Variants in TAFA2 observed in about 807,000 individuals in gnomAD.
The protein encoded by TAFA2 is TAFA chemokine like family member 2.
Under a neutral mutation model 18.8 loss-of-function variants are expected in TAFA2, and 7 were observed. That is an observed-to-expected ratio of 0.37 (90% CI 0.21 to 0.70). The LOEUF is 0.70. Ranked by LOEUF, TAFA2 falls within the 30% of genes least tolerant of loss-of-function variation. The probability of loss-of-function intolerance (pLI) is 0.53; values close to 1 mark genes in which losing one functional copy is unlikely to be tolerated. For synonymous variants in TAFA2, 60 were observed against 54.2 expected, an observed-to-expected ratio of 1.11 and a Z score of -0.47; for missense variants, 122 against 158.1, an observed-to-expected ratio of 0.77 and a Z score of 1.23.
intron 1 of TAFA2, among the ~76,000 whole-genome samples, chr12:61,998,213 A>G (rs887666067): frequency 2.0e-5 from 3 of 152,346 alleles, no homozygotes; most frequent in Non-Finnish European, 4.4e-5. Context: ...CATTCAGGAC[A>G]TCAATATGAG....
intron 1 of TAFA2, among the ~76,000 whole-genome samples, chr12:62,063,887 C>T (rs1167196512): frequency 4.0e-5 from 6 of 150,810 alleles, no homozygotes; most frequent in Non-Finnish European, 1.5e-5. Context: ...CACACACATG[C>T]ATACACACAC....
chr12:62,060,427 G>GGTGTAAACAAACTTACTGT (rs1205154894), intron 1 of TAFA2, among the ~76,000 whole-genome samples: 1 of 152,096 alleles, frequency 6.6e-6, no homozygotes, highest in Non-Finnish European at 1.5e-5. Context: ...TAGTGATGCT[G>GGTGTAAACAAACTTACTGT]GTGTAAACAA....
chr12:62,074,040 A>G (rs1172269165), intron 1 of TAFA2, among the ~76,000 whole-genome samples: 1 of 152,252 alleles, frequency 6.6e-6, no homozygotes, highest in Non-Finnish European at 1.5e-5. Flanking sequence ...CAGTTTGTTG[A>G]CTTGCCTAGC....
In TAFA2 at chr12:61,862,218, T is replaced by C. The variant is rs544785176; in HGVS notation, c.106+5102A>G. 2.0e-5 allele frequency among the ~76,000 whole-genome samples: 3 copies of C among 152,336 alleles called. No individual in the cohort carries two copies. In the East Asian group the frequency reaches 5.8e-4, roughly 29 times the overall value. On this transcript the variant is annotated intron_variant, in intron 2 of 4. Transcript: ENST00000416284. ...GATCCCCAATATCAGAAGCTGCACC[T>C]AATGTAATTGCTTCCAAGGGGGAAA...
chr12:62,217,960 A>C (rs2062742962), intron 1 of TAFA2, among the ~76,000 whole-genome samples: 1 of 123,102 alleles, frequency 8.1e-6, no homozygotes, highest in Non-Finnish European at 1.6e-5. Flanking sequence ...ATCTATTTTT[A>C]TGTATGTATT....
chr12:61,884,432 A>G (rs1370412329), intron 1 of TAFA2, among the ~76,000 whole-genome samples: 2 of 152,194 alleles, frequency 1.3e-5, no homozygotes, highest in Non-Finnish European at 2.9e-5. Flanking sequence ...ATATGACACC[A>G]CTACCATTTC....
chr12:61,789,641 G>A (rs1870889959), intron 2 of TAFA2, among the ~76,000 whole-genome samples: 1 of 151,770 alleles, frequency 6.6e-6, no homozygotes, highest in Non-Finnish European at 1.5e-5. Flanking sequence ...GTATACCTAT[G>A]TAATAAACCT....
At chr12:61,926,254 C>T (rs1175817138) in intron 1 of TAFA2, among the ~76,000 whole-genome samples, 1 of 152,224 alleles carries the variant, frequency 6.6e-6, no homozygotes, top group Non-Finnish European at 1.5e-5. Flanking sequence ...CAGCCAAATT[C>T]TACCAGAGGT....
intron 1 of TAFA2, among the ~76,000 whole-genome samples, chr12:62,198,836 T>C (rs2062659652): frequency 6.6e-6 from 1 of 152,112 alleles, no homozygotes; most frequent in African/African-American, 2.4e-5. Context: ...TATAAATACT[T>C]TGTGGTCAAA....
chr12:62,024,739 A>G (rs1043635293), intron 1 of TAFA2, among the ~76,000 whole-genome samples: 1 of 152,144 alleles, frequency 6.6e-6, no homozygotes, highest in Non-Finnish European at 1.5e-5. Context: ...CAGAATCTGT[A>G]AGAAACTCAA....
chr12:61,977,916 G>GA, intron 1 of TAFA2, among the ~76,000 whole-genome samples: 1 of 151,838 alleles, frequency 6.6e-6, no homozygotes, highest in African/African-American at 2.4e-5. Context: ...GAAATAAAGA[G>GA]AAAAAAAAAG....
chr12:61,741,790 G>A (rs553312008), intron 4 of TAFA2, among the ~76,000 whole-genome samples: 3 of 152,250 alleles, frequency 2.0e-5, no homozygotes, highest in East Asian at 1.9e-4. Flanking sequence ...CTAGCACAAT[G>A]TCTGGCACAT....
chr12:62,256,749 A>G (rs2062941039), intron 1 of TAFA2, among the ~76,000 whole-genome samples: 1 of 152,166 alleles, frequency 6.6e-6, no homozygotes, highest in African/African-American at 2.4e-5. Flanking sequence ...TTAGCTTTCA[A>G]AAGTGCCTCG....
intron 1 of TAFA2, among the ~76,000 whole-genome samples, chr12:61,999,055 A>G (rs2136698425): frequency 6.6e-6 from 1 of 152,354 alleles, no homozygotes; most frequent in Non-Finnish European, 1.5e-5. Flanking sequence ...CTAGTTTCAA[A>G]TACAAGACTT....
At chr12:61,902,763 A>G (rs1333261415) in intron 1 of TAFA2, among the ~76,000 whole-genome samples, 4 of 152,092 alleles carry the variant, frequency 2.6e-5, no homozygotes, top group South Asian at 2.1e-4. Context: ...TCAATTGACA[A>G]TTTGGCACCA....
At chr12:62,132,208 AC>A (rs1168248765) in intron 1 of TAFA2, among the ~76,000 whole-genome samples, 1 of 151,868 alleles carries the variant, frequency 6.6e-6, no homozygotes, top group Non-Finnish European at 1.5e-5. Context: ...ACAAAAAGTT[AC>A]CTTAATCTGG....
intron 2 of TAFA2, among the ~76,000 whole-genome samples, chr12:61,830,101 C>A (rs530952042): frequency 6.6e-6 from 1 of 151,410 alleles, no homozygotes; most frequent in Non-Finnish European, 1.5e-5. Flanking sequence ...GATATGGAAC[C>A]CACCTGTATC....
At chr12:62,116,039 T>C (rs1344923580) in intron 1 of TAFA2, among the ~76,000 whole-genome samples, 1 of 152,194 alleles carries the variant, frequency 6.6e-6, no homozygotes, top group Non-Finnish European at 1.5e-5. Context: ...TAAAATTGAA[T>C]ATTAGTTCTT....
chr12:61,972,779 T>C (rs890311308), intron 1 of TAFA2, among the ~76,000 whole-genome samples: 13 of 151,468 alleles, frequency 8.6e-5, no homozygotes, highest in Non-Finnish European at 1.8e-4. Context: ...AATGGGATGA[T>C]CTGCTAAGGG....
Sources: gnomAD v4.1 joint callset for allele counts (sites outside exome capture counted in the v4.1 genomes callset) on GRCh38, gnomAD v4.1.1 for gene constraint, MANE v1.5 for transcripts, NCBI Gene and HGNC (gene_info 2026-07-23, HGNC 2026-07-21) for gene names.